The following NOS1AP variants were observed in gnomAD, a reference collection of about 807,000 sequenced individuals.
NOS1AP encodes carboxyl-terminal PDZ ligand of neuronal nitric oxide synthase protein.
NOS1AP carries 21 observed loss-of-function variants against 56.2 expected under a neutral mutation model. The observed-to-expected ratio is 0.37, with a 90% CI of 0.26 to 0.54. The LOEUF (loss-of-function observed/expected upper bound fraction) is 0.54. NOS1AP is among the 20% of genes least tolerant of loss of function. The pLI, the probability that NOS1AP is intolerant of heterozygous loss-of-function variation, is 0.84. For missense variants in NOS1AP, 522 were observed against 657.8 expected (o/e 0.79, Z 2.26); for synonymous variants, 270 against 274.6 (o/e 0.98, Z 0.17).
At chr1:162,201,781 A>G (rs1571122743) in intron 2 of NOS1AP, among the ~76,000 whole-genome samples, 1 of 152,178 alleles carries the variant, frequency 6.6e-6, no homozygotes, top group African/African-American at 2.4e-5. Flanking sequence ...TCCTTTGCCC[A>G]CTTTTTAATT....
chr1:162,081,779 T>A (rs1364971666), intron 1 of NOS1AP, among the ~76,000 whole-genome samples: 1 of 128,770 alleles, frequency 7.8e-6, no homozygotes, highest in Non-Finnish European at 1.7e-5. Flanking sequence ...TATATATTTT[T>A]TTTTTGTAGA....
Position 162,195,952 on chromosome 1 carries a change from T to A in NOS1AP, c.177+41476T>A, listed in dbSNP as rs541209183. On this transcript the variant is annotated intron_variant, in intron 2 of 9. Transcript: ENST00000361897. ...CTGGGGCCAGGTACATAATTGGCTC[T>A]AAATAAAAAGTAAGCCACTGTCAAA... 2.6e-5 allele frequency among the ~76,000 whole-genome samples: 4 copies of A among 152,336 alleles called. No homozygotes were observed. In the East Asian group the frequency reaches 7.7e-4, roughly 29 times the overall value.
At position 162,305,059 on chromosome 1, in the gene NOS1AP, C is replaced by CA. The variant is rs547189181; in HGVS notation, c.344+4356dup. 2.0e-4 allele frequency among the ~76,000 whole-genome samples: 30 copies of CA among 152,068 alleles called. No homozygotes were observed. The South Asian group carries it at 6.2e-3, about 32-fold the overall frequency. On this transcript the variant is annotated intron_variant, in intron 4 of 9. Transcript: ENST00000361897. ...ATGAATTTTTAATTTTTTATTAAGT[C>CA]AAATTTTTTATTTAAATCTTTTGCA...
intron 2 of NOS1AP, among the ~76,000 whole-genome samples, chr1:162,213,049 G>C (rs1208078806): frequency 6.6e-6 from 1 of 152,168 alleles, no homozygotes; most frequent in Non-Finnish European, 1.5e-5. Flanking sequence ...ATTGTGTCTA[G>C]GAAAAGCAGG....
intron 1 of NOS1AP, 143 bp from the exon 2 acceptor site, chr1:162,154,262 C>T: frequency 1.4e-6 from 1 of 701,206 alleles, no homozygotes; most frequent in Non-Finnish European, 2.5e-6. Flanking sequence ...TAGAAACAGA[C>T]TCAAAACAAA....
At chr1:162,231,315 C>A (rs1242608469) in intron 2 of NOS1AP, among the ~76,000 whole-genome samples, 1 of 152,234 alleles carries the variant, frequency 6.6e-6, no homozygotes, top group East Asian at 1.9e-4. Flanking sequence ...AGTCTTCTGC[C>A]CATTTTAAAA....
rs780950872 is a variant in NOS1AP, at chr1:162,367,478, C to T, written c.*11C>T. 3.9e-6 allele frequency: 6 copies of T among 1,545,172 alleles called. No individual in the cohort carries two copies. The South Asian group carries it at 5.9e-5, about 15-fold the overall frequency. On this transcript the variant is annotated 3_prime_UTR_variant, in exon 10 of 10. Coordinates refer to ENST00000361897, the MANE Select transcript of NOS1AP (RefSeq NM_014697.3). The surrounding 1 kb of genome is among the most constrained non-coding windows in gnomAD (Gnocchi z 6.5). ...GAGATCGCCGTGTAGGTGCCGAGGG[C>T]GAGGAGATGGAGGCGGCGGCGTGGC...
At chr1:162,100,523 C>G (rs540823422) in intron 1 of NOS1AP, among the ~76,000 whole-genome samples, 12 of 152,192 alleles carry the variant, frequency 7.9e-5, no homozygotes, top group African/African-American at 2.2e-4. Flanking sequence ...ATTGTAGATT[C>G]TGGATATTAG....
At chr1:162,349,230 T>A (rs1280561156) in intron 6 of NOS1AP, among the ~76,000 whole-genome samples, 2 of 151,390 alleles carry the variant, frequency 1.3e-5, no homozygotes, top group African/African-American at 2.4e-5. Flanking sequence ...ACTGATTGGA[T>A]GAGGTCTTCC....
intron 2 of NOS1AP, among the ~76,000 whole-genome samples, chr1:162,286,104 G>T (rs999788920): frequency 6.6e-6 from 1 of 152,218 alleles, no homozygotes; most frequent in African/African-American, 2.4e-5. Flanking sequence ...AGTTGAGTTT[G>T]TAACATCAGA....
chr1:162,317,751 C>G (rs907655105), intron 4 of NOS1AP: 3 of 152,196 alleles, frequency 2.0e-5, no homozygotes, highest in African/African-American at 7.2e-5. Flanking sequence ...ACGTACTGTC[C>G]TTTTGATCCA....
At chr1:162,320,206 C>G (rs189995737) in intron 4 of NOS1AP, among the ~76,000 whole-genome samples, 3 of 152,108 alleles carry the variant, frequency 2.0e-5, no homozygotes, top group African/African-American at 7.2e-5. Context: ...TGGACCACCC[C>G]GACACCTGCT....
chr1:162,183,955 A>G (rs1461614591), intron 2 of NOS1AP, among the ~76,000 whole-genome samples: 1 of 152,224 alleles, frequency 6.6e-6, no homozygotes, highest in African/African-American at 2.4e-5. Context: ...CATCTTGGCT[A>G]ACTGTTTGGC....
chr1:162,212,773 A>G (rs546096048), intron 2 of NOS1AP, among the ~76,000 whole-genome samples: 2 of 151,498 alleles, frequency 1.3e-5, no homozygotes, highest in African/African-American at 4.8e-5. Flanking sequence ...AGAGTCTCCT[A>G]CCTCTCCTTC....
intron 5 of NOS1AP, among the ~76,000 whole-genome samples, chr1:162,335,684 C>A (rs1656920582): frequency 6.6e-6 from 1 of 152,100 alleles, no homozygotes; most frequent in Non-Finnish European, 1.5e-5. Context: ...TTCTCCGGAG[C>A]CCTCGTGTTG....
At chr1:162,100,922 C>T (rs1486217153) in intron 1 of NOS1AP, among the ~76,000 whole-genome samples, 5 of 152,114 alleles carry the variant, frequency 3.3e-5, no homozygotes, top group African/African-American at 1.2e-4. Context: ...TTTCACTTTG[C>T]GGAAGCTCTT....
chr1:162,147,189 TG>T, intron 1 of NOS1AP, among the ~76,000 whole-genome samples: 1 of 150,948 alleles, frequency 6.6e-6, no homozygotes, highest in Admixed American at 6.6e-5. Context: ...ATTAGCCAGG[TG>T]GGGTGGTGGG....
At chr1:162,311,013 CCTT>C (rs1257915690) in intron 4 of NOS1AP, among the ~76,000 whole-genome samples, 2 of 152,110 alleles carry the variant, frequency 1.3e-5, no homozygotes, top group African/African-American at 4.8e-5. Context: ...TCAGCTCTCT[CCTT>C]TCCTTTTTTT....
chr1:162,143,918 A>G (rs919116760), intron 1 of NOS1AP, among the ~76,000 whole-genome samples: 1 of 152,230 alleles, frequency 6.6e-6, no homozygotes, highest in African/African-American at 2.4e-5. Flanking sequence ...TTCGTTCTTC[A>G]TGTGAAGAAT....
Sources: allele counts gnomAD v4.1 joint callset (sites outside exome capture counted in the v4.1 genomes callset), GRCh38; gene constraint gnomAD v4.1.1; non-coding constraint Gnocchi (gnomAD v3.1); transcripts MANE v1.5; gene names NCBI Gene and HGNC (gene_info 2026-07-23, HGNC 2026-07-21).